Variants in MALRD1 observed in about 807,000 individuals in gnomAD.
MALRD1 encodes the protein MAM and LDL-receptor class A domain-containing protein 1.
In MALRD1, 247 loss-of-function variants were observed where a neutral mutation model predicts 242.1. The observed-to-expected ratio is 1.02, with a 90% CI of 0.92 to 1.13. MALRD1 has a LOEUF of 1.13. MALRD1 is among the 50% of genes most tolerant of loss of function. MALRD1 has a pLI of 0.00. For synonymous variants in MALRD1, 995 were observed against 866.6 expected (o/e 1.15, Z -2.60); for missense variants, 2,989 against 2,533.1 (o/e 1.18, Z -3.86).
intron 38 of MALRD1, 110 bp downstream of exon 38, chr10:19,692,664 T>A: frequency 1.3e-6 from 1 of 798,152 alleles, no homozygotes; most frequent in African/African-American, 1.8e-5. Flanking sequence ...CAGGAAACTT[T>A]AGTGTTTTGC....
At chr10:19,399,749 C>CT (rs956441001) in intron 28 of MALRD1, among the ~76,000 whole-genome samples, 57 of 152,162 alleles carry the variant, frequency 3.7e-4, no homozygotes, top group African/African-American at 1.3e-3. Context: ...ATGTTTTAAA[C>CT]TTTTTTTAAC....
intron 32 of MALRD1, among the ~76,000 whole-genome samples, chr10:19,542,552 A>G (rs1471126567): frequency 6.6e-6 from 1 of 151,932 alleles, no homozygotes; most frequent in Non-Finnish European, 1.5e-5. Flanking sequence ...TCCAAATTGC[A>G]GTATAGTAGT....
At position 19,535,894 on chromosome 10, in the gene MALRD1, G is replaced by C. The variant is rs961104586; in HGVS notation, c.5478+4543G>C. ...ACAATTGTCTGAAAGTATTTCTTAA[G>C]TTGATTATAGAAACCCTTCAGAGGG... On this transcript the variant is annotated intron_variant, in intron 32 of 39. Coordinates refer to ENST00000454679, the MANE Select transcript of MALRD1 (RefSeq NM_001142308.3). Among the ~76,000 whole-genome samples the C allele has an allele frequency of 4.6e-5, 7 of 152,260 alleles. No individual in the cohort carries two copies. The East Asian group carries it at 5.8e-4, about 13-fold the overall frequency.
intron 11 of MALRD1, among the ~76,000 whole-genome samples, chr10:19,149,241 A>G (rs1833850690): frequency 6.6e-6 from 1 of 151,962 alleles, no homozygotes; most frequent in Non-Finnish European, 1.5e-5. Context: ...TTTTCCTCCC[A>G]AGTAGCTGGG....
intron 32 of MALRD1, among the ~76,000 whole-genome samples, chr10:19,548,716 C>T (rs1294984234): frequency 6.6e-6 from 1 of 152,058 alleles, no homozygotes; most frequent in Non-Finnish European, 1.5e-5. Flanking sequence ...CCTGTGGATC[C>T]CTTGTGTCAC....
rs905754065 is a variant in MALRD1 at position 19,165,790 on chromosome 10, G to A, written c.1810G>A (p.Glu604Lys). 200 of 1,231,486 alleles carry A rather than the reference G, an allele frequency of 1.6e-4. 1 individual carries two copies. The highest frequency in any genetic ancestry group is 1.9e-4 in the Non-Finnish European group (192 of 987,920). 76.3% of individuals were successfully genotyped at this position (1,231,486 alleles called of 1,614,324 possible). A position where few individuals can be genotyped will look rare whatever the true frequency, so the allele number is the denominator to read the frequency against. Residue 604 changes from glutamate (E) to lysine (K), a missense_variant, in exon 13 of 40, where the codon GAA becomes AAA. Transcript: ENST00000454679. ...AATTGATCTCATTGCAGAAGCGGGA[G>A]AATCTACTCTACCTTTTCAGGTAAG... is the stretch of plus-strand genomic sequence containing the variant. ...AKIDLIAEAGESTLPFQLILE... is the reference protein window; with the variant it reads ...AKIDLIAEAGKSTLPFQLILE...
At chr10:19,530,844 C>T (rs1226194386) in intron 31 of MALRD1, among the ~76,000 whole-genome samples, 1 of 152,080 alleles carries the variant, frequency 6.6e-6, no homozygotes, top group Non-Finnish European at 1.5e-5. Flanking sequence ...GTCCCCAGTA[C>T]CTACTCTGTA....
At chr10:19,293,844 A>C (rs987154061) in intron 21 of MALRD1, among the ~76,000 whole-genome samples, 7 of 152,172 alleles carry the variant, frequency 4.6e-5, no homozygotes, top group African/African-American at 1.4e-4. Context: ...CTTTACAACA[A>C]ATCCCCGTTA....
chr10:19,731,740 C>G (rs1311106858), intron 39 of MALRD1, among the ~76,000 whole-genome samples: 1 of 152,042 alleles, frequency 6.6e-6, no homozygotes, highest in African/African-American at 2.4e-5. Flanking sequence ...TATGACACAC[C>G]ACTTCCGAAC....
At chr10:19,377,008 T>G (rs1845640316) in intron 26 of MALRD1, among the ~76,000 whole-genome samples, 1 of 152,148 alleles carries the variant, frequency 6.6e-6, no homozygotes, top group Non-Finnish European at 1.5e-5. Context: ...ATGATTAAGG[T>G]AAAATAAACA....
chr10:19,504,664 A>ATTTTTTTTTTTT (rs759213931), intron 31 of MALRD1, among the ~76,000 whole-genome samples: 5 of 97,590 alleles, frequency 5.1e-5, no homozygotes, highest in African/African-American at 2.3e-4. Flanking sequence ...ATTGTAACAC[A>ATTTTTTTTTTTT]TTTTTTTTTT....
chr10:19,178,113 A>C (rs1367450131), intron 14 of MALRD1, among the ~76,000 whole-genome samples: 1 of 152,186 alleles, frequency 6.6e-6, no homozygotes, highest in Non-Finnish European at 1.5e-5. Flanking sequence ...AAAGTTTTTG[A>C]GACACTTGAT....
intron 36 of MALRD1, among the ~76,000 whole-genome samples, chr10:19,631,103 A>G (rs2131646907): frequency 6.6e-6 from 1 of 152,230 alleles, no homozygotes; most frequent in African/African-American, 2.4e-5. Flanking sequence ...TACTAAGTCT[A>G]ATAACCAATA....
intron 19 of MALRD1, among the ~76,000 whole-genome samples, chr10:19,263,063 G>C (rs959159535): frequency 2.0e-5 from 3 of 152,026 alleles, no homozygotes; most frequent in African/African-American, 7.2e-5. Context: ...TCCCTATTGT[G>C]GCTATTGTGA....
chr10:19,639,749 G>A (rs905881636), intron 36 of MALRD1, among the ~76,000 whole-genome samples: 1 of 152,188 alleles, frequency 6.6e-6, no homozygotes, highest in African/African-American at 2.4e-5. Flanking sequence ...GGGAAGCTAA[G>A]CACAGTATCA....
intron 26 of MALRD1, among the ~76,000 whole-genome samples, chr10:19,387,181 A>C (rs981929526): frequency 6.6e-6 from 1 of 152,152 alleles, no homozygotes; most frequent in African/African-American, 2.4e-5. Context: ...TTCAGGATGA[A>C]AAAATAGAAG....
intron 24 of MALRD1, among the ~76,000 whole-genome samples, chr10:19,337,186 T>G (rs1055704092): frequency 1.3e-5 from 2 of 152,144 alleles, no homozygotes; most frequent in Admixed American, 6.6e-5. Context: ...TATGTGTATA[T>G]AAGTAAGCTA....
chr10:19,125,282 T>TTTCTTTCC (rs1837219440), intron 7 of MALRD1, among the ~76,000 whole-genome samples: 2 of 97,318 alleles, frequency 2.1e-5, no homozygotes, highest in African/African-American at 1.1e-4. Context: ...TCTTTCTTTC[T>TTTCTTTCC]TTCTTTCTTT....
chr10:19,190,623 G>C (rs977606744), intron 14 of MALRD1, among the ~76,000 whole-genome samples: 18 of 149,570 alleles, frequency 1.2e-4, no homozygotes, highest in African/African-American at 3.4e-4. Flanking sequence ...AGATTACAGA[G>C]TCCAGAAATA....
Sources: gnomAD v4.1 joint callset for allele counts (sites outside exome capture counted in the v4.1 genomes callset) on GRCh38, gnomAD v4.1.1 for gene constraint, MANE v1.5 for transcripts, NCBI Gene and HGNC (gene_info 2026-07-23, HGNC 2026-07-21) for gene names.